SLC44A1: variants seen among roughly 807,000 people sequenced by gnomAD.
The protein encoded by SLC44A1 is solute carrier family 44 member 1.
In SLC44A1, 26 loss-of-function variants were observed where a neutral mutation model predicts 79.3. That is an observed-to-expected ratio of 0.33 (90% CI 0.24 to 0.46). The LOEUF (loss-of-function observed/expected upper bound fraction) is 0.46, where lower values mean the gene tolerates loss of function less well. Among genes scored for constraint, SLC44A1 ranks in the 20% least tolerant of loss-of-function variants. SLC44A1 has a pLI of 1.00. For synonymous variants in SLC44A1, 263 were observed against 286.2 expected, an observed-to-expected ratio of 0.92 and a Z score of 0.82; for missense variants, 688 against 798.1, an observed-to-expected ratio of 0.86 and a Z score of 1.66.
chr9:105,355,743 T>C (rs1281305855), intron 5 of SLC44A1, among the ~76,000 whole-genome samples: 1 of 152,190 alleles, frequency 6.6e-6, no homozygotes, highest in Non-Finnish European at 1.5e-5. Flanking sequence ...GAGGAAACAT[T>C]CTATTAATGG....
intron 1 of SLC44A1, among the ~76,000 whole-genome samples, chr9:105,295,926 A>G (rs1564421071): frequency 6.6e-6 from 1 of 152,226 alleles, no homozygotes; most frequent in Non-Finnish European, 1.5e-5. Flanking sequence ...CTAATGTCTG[A>G]TTAATAGTAA....
chr9:105,331,874 G>T (rs1007333695), intron 3 of SLC44A1, among the ~76,000 whole-genome samples: 2 of 152,132 alleles, frequency 1.3e-5, no homozygotes, highest in African/African-American at 4.8e-5. Context: ...TGGTGGTTAG[G>T]CCTCAAGGCC....
chr9:105,351,568 GAAAGAGAGAA>G (rs1432833475), intron 5 of SLC44A1, among the ~76,000 whole-genome samples: 10 of 124,106 alleles, frequency 8.1e-5, no homozygotes, highest in African/African-American at 2.8e-4. Context: ...GAGAAAGAGA[GAAAGAGAGAA>G]AGAGAGAAAG....
intron 1 of SLC44A1, among the ~76,000 whole-genome samples, chr9:105,279,448 G>C (rs1370788041): frequency 1.3e-5 from 2 of 151,522 alleles, no homozygotes; most frequent in Admixed American, 1.3e-4. Context: ...CTCCCGAGTA[G>C]CTGGGACTAC....
chr9:105,324,467 G>A lies in SLC44A1; in HGVS notation c.270-11096G>A, dbSNP rs563009664. Among the ~76,000 whole-genome samples the A allele has an allele frequency of 4.6e-5, 7 of 151,898 alleles. 1 individual carries two copies. Among genetic ancestry groups the A allele is most frequent in the African/African-American group, 1.7e-4 (7 of 41,412 alleles). On this transcript the variant is annotated intron_variant, in intron 3 of 15. Transcript: ENST00000374720. ...GGGGTTTCACTGTGTTGGCCAGGCT[G>A]GTCTCAAACTCCTGGCCTCAAGCAA...
chr9:105,387,235 C>T (rs1327251480), intron 15 of SLC44A1, among the ~76,000 whole-genome samples: 3 of 151,326 alleles, frequency 2.0e-5, no homozygotes, highest in Admixed American at 2.0e-4. Flanking sequence ...TAACCCTTTC[C>T]AGTGCCTATT....
At chr9:105,290,811 T>G (rs1830586357) in intron 1 of SLC44A1, among the ~76,000 whole-genome samples, 1 of 152,256 alleles carries the variant, frequency 6.6e-6, no homozygotes, top group South Asian at 2.1e-4. Flanking sequence ...GATGAATGTT[T>G]GTGATTTAGC....
At chr9:105,280,213 T>C (rs1421179188) in intron 1 of SLC44A1, among the ~76,000 whole-genome samples, 1 of 152,186 alleles carries the variant, frequency 6.6e-6, no homozygotes, top group Non-Finnish European at 1.5e-5. Flanking sequence ...TAAAAAATAG[T>C]GGTCAACACT....
chr9:105,383,404 C>T (rs1390628646), intron 14 of SLC44A1, 45 bp downstream of exon 14: 2 of 1,050,192 alleles, frequency 1.9e-6, no homozygotes, highest in Non-Finnish European at 1.5e-6. Context: ...ATAAAAATAC[C>T]AATAAAAATA....
chr9:105,346,475 A>G (rs943839994), intron 4 of SLC44A1, among the ~76,000 whole-genome samples: 6 of 152,134 alleles, frequency 3.9e-5, no homozygotes, highest in Non-Finnish European at 8.8e-5. Flanking sequence ...AATCGATTCC[A>G]TCTTGGACTC....
chr9:105,396,502 A>G lies in SLC44A1; in HGVS notation c.*7446A>G, dbSNP rs1828877490. The G allele has an allele frequency of 2.0e-6, 2 of 985,326 alleles. No homozygotes were observed. Among genetic ancestry groups the G allele is most frequent in the Non-Finnish European group, 2.4e-6 (2 of 829,936 alleles). The allele number at this position is 985,326 out of a possible 1,614,324, so 61.0% of individuals were successfully genotyped here. A position where few individuals can be genotyped will look rare whatever the true frequency, so the allele number is the denominator to read the frequency against. Reference sequence around the variant, plus strand: ...GAGTTTAGAATAGAGCTCCTAGAATAATAAGGCGGCCAAATTTAAAGATCA... The same window carrying G: ...GAGTTTAGAATAGAGCTCCTAGAATGATAAGGCGGCCAAATTTAAAGATCA... On this transcript the variant is annotated 3_prime_UTR_variant, in exon 16 of 16. Coordinates refer to ENST00000374720, the MANE Select transcript of SLC44A1 (RefSeq NM_080546.5).
chr9:105,250,911 G>T (rs1829569075), intron 1 of SLC44A1, among the ~76,000 whole-genome samples: 1 of 152,024 alleles, frequency 6.6e-6, no homozygotes, highest in African/African-American at 2.4e-5. Flanking sequence ...TGCAGAGCAG[G>T]GCTAACCCAT....
At chr9:105,323,249 T>C (rs1213464772) in intron 3 of SLC44A1, among the ~76,000 whole-genome samples, 4 of 145,402 alleles carry the variant, frequency 2.8e-5, no homozygotes, top group Admixed American at 6.8e-5. Context: ...AGAAATTAAA[T>C]AATACCAAGG....
chr9:105,436,040 A>G (rs1191922941), intron 15 of SLC44A1, among the ~76,000 whole-genome samples: 1 of 152,178 alleles, frequency 6.6e-6, no homozygotes, highest in African/African-American at 2.4e-5. Flanking sequence ...TCTACTGAAA[A>G]TACAAAAATT....
At chr9:105,380,942 A>G (rs1467224549) in intron 13 of SLC44A1, among the ~76,000 whole-genome samples, 3 of 152,156 alleles carry the variant, frequency 2.0e-5, no homozygotes, top group Non-Finnish European at 2.9e-5. Context: ...ATAAGTGCAT[A>G]ACACTCTTTC....
intron 3 of SLC44A1, among the ~76,000 whole-genome samples, chr9:105,310,471 T>G (rs1831148537): frequency 1.3e-5 from 2 of 152,164 alleles, no homozygotes; most frequent in African/African-American, 4.8e-5. Context: ...ATAGATTTCA[T>G]CTAGCATATT....
chr9:105,332,645 A>G (rs1367729506), intron 3 of SLC44A1, among the ~76,000 whole-genome samples: 1 of 151,978 alleles, frequency 6.6e-6, no homozygotes, highest in African/African-American at 2.4e-5. Context: ...TTTGTGCTGG[A>G]TCTGTTTTGG....
chr9:105,369,616 T>C (rs1162159547), intron 12 of SLC44A1, among the ~76,000 whole-genome samples: 4 of 152,240 alleles, frequency 2.6e-5, no homozygotes, highest in African/African-American at 9.6e-5. Flanking sequence ...AATTACCCTT[T>C]CATTTCTTTA....
chr9:105,289,936 C>G (rs1830565290), intron 1 of SLC44A1, among the ~76,000 whole-genome samples: 1 of 151,890 alleles, frequency 6.6e-6, no homozygotes, highest in African/African-American at 2.4e-5. Flanking sequence ...GCCTCAGCCT[C>G]TTGAGTATCT....
Sources: allele counts gnomAD v4.1 joint callset (sites outside exome capture counted in the v4.1 genomes callset), GRCh38; gene constraint gnomAD v4.1.1; transcripts MANE v1.5; gene names NCBI Gene and HGNC (gene_info 2026-07-23, HGNC 2026-07-21).